Variants in CNTN5 observed in about 807,000 individuals in gnomAD.
CNTN5 encodes contactin 5.
A neutral mutation model predicts 129.1 loss-of-function variants in CNTN5; 77 were observed. The observed-to-expected ratio is 0.60, with a 90% CI of 0.50 to 0.72. The LOEUF (loss-of-function observed/expected upper bound fraction) is 0.72. Ranked by LOEUF, CNTN5 falls within the 30% of genes least tolerant of loss-of-function variation. CNTN5 has a pLI of 0.00. For missense variants in CNTN5, 1,478 were observed against 1,328.8 expected (o/e 1.11, Z -1.75); for synonymous variants, 509 against 465.6 (o/e 1.09, Z -1.20).
At chr11:99,619,357 T>G (rs1950858919) in intron 3 of CNTN5, among the ~76,000 whole-genome samples, 1 of 152,096 alleles carries the variant, frequency 6.6e-6, no homozygotes. Flanking sequence ...AGCAACTAAT[T>G]AAACATAATA....
intron 2 of CNTN5, among the ~76,000 whole-genome samples, chr11:99,399,919 T>C (rs1167040993): frequency 1.3e-5 from 2 of 152,088 alleles, no homozygotes; most frequent in African/African-American, 4.8e-5. Flanking sequence ...AGATATTTGA[T>C]ACAGGCATGC....
chr11:100,213,497 A>G (rs1488106421), intron 15 of CNTN5, among the ~76,000 whole-genome samples: 1 of 152,148 alleles, frequency 6.6e-6, no homozygotes, highest in Non-Finnish European at 1.5e-5. Flanking sequence ...TGAACATTCA[A>G]TAAATGGTGA....
chr11:99,844,555 T>C, intron 4 of CNTN5: 1 of 383,770 alleles, frequency 2.6e-6, no homozygotes, highest in Non-Finnish European at 4.9e-6. Flanking sequence ...ATTATTATCC[T>C]TCAGTCTGAT....
In CNTN5 at chr11:100,128,182, C is replaced by T. The variant is rs537292221; in HGVS notation, c.1580+53888C>T. 2.1e-4 allele frequency among the ~76,000 whole-genome samples: 32 copies of T among 152,170 alleles called. No individual in the cohort carries two copies. In the South Asian group the frequency reaches 6.0e-3, roughly 29 times the overall value. On this transcript the variant is annotated intron_variant, in intron 13 of 24. Transcript: ENST00000524871. ...CACTTGGCTGGCTTTCTCCCTTTTA[C>T]GTACCCAAACCTGAACTCATAATCT...
At chr11:100,140,901 T>C (rs1946678978) in intron 13 of CNTN5, among the ~76,000 whole-genome samples, 1 of 152,086 alleles carries the variant, frequency 6.6e-6, no homozygotes, top group South Asian at 2.1e-4. Flanking sequence ...GGAAATGAGA[T>C]GTTCTGGAAA....
At chr11:99,484,973 A>G (rs1247684300) in intron 2 of CNTN5, among the ~76,000 whole-genome samples, 1 of 152,140 alleles carries the variant, frequency 6.6e-6, no homozygotes, top group Non-Finnish European at 1.5e-5. Flanking sequence ...TATTTGTTAC[A>G]GCTAGATAGG....
rs889630504 is a variant in CNTN5 at position 99,766,758 on chromosome 11, C to T, written c.56-52786C>T. Among the ~76,000 whole-genome samples the T allele has an allele frequency of 5.9e-5, 9 of 151,882 alleles. No individual in the cohort carries two copies. In the South Asian group the frequency reaches 6.2e-4, roughly 10 times the overall value. On this transcript the variant is annotated intron_variant, in intron 3 of 24. Coordinates refer to ENST00000524871, the MANE Select transcript of CNTN5 (RefSeq NM_014361.4). ...GCAGATTTTTTATGCTCAAGTTATG[C>T]CTATTTTAACAAGCATTTTAAAAAC...
chr11:100,102,847 G>C (rs1337575047), intron 13 of CNTN5, among the ~76,000 whole-genome samples: 3 of 152,070 alleles, frequency 2.0e-5, no homozygotes, highest in Non-Finnish European at 4.4e-5. Context: ...ATTAGCACTA[G>C]GCTTAATGTG....
At chr11:100,073,239 G>A (rs1015239037) in intron 12 of CNTN5, among the ~76,000 whole-genome samples, 1 of 151,792 alleles carries the variant, frequency 6.6e-6, no homozygotes, top group Non-Finnish European at 1.5e-5. Flanking sequence ...TAGAGATGGG[G>A]TTTCACCGTG....
intron 21 of CNTN5, among the ~76,000 whole-genome samples, chr11:100,321,731 C>T (rs1196539753): frequency 6.6e-6 from 1 of 151,886 alleles, no homozygotes; most frequent in Non-Finnish European, 1.5e-5. Context: ...TCTTCTATAC[C>T]TAATTTGTTG....
chr11:100,270,923 AGATT>A (rs1950396214), intron 17 of CNTN5, among the ~76,000 whole-genome samples, 165 bp from the exon 18 acceptor site: 1 of 152,200 alleles, frequency 6.6e-6, no homozygotes, highest in East Asian at 1.9e-4. Context: ...TACTCCCTGA[AGATT>A]GATTTTCATT....
At chr11:100,261,517 T>C (rs770975758) in intron 17 of CNTN5, among the ~76,000 whole-genome samples, 15 of 152,134 alleles carry the variant, frequency 9.9e-5, no homozygotes, top group Non-Finnish European at 1.8e-4. Flanking sequence ...AGAACAAACC[T>C]GGAGGCATCA....
intron 3 of CNTN5, among the ~76,000 whole-genome samples, chr11:99,817,093 C>T (rs1022458553): frequency 1.3e-5 from 2 of 152,176 alleles, no homozygotes; most frequent in Non-Finnish European, 2.9e-5. Flanking sequence ...ATGATACTAA[C>T]ATTGTATGAA....
chr11:100,018,317 A>G (rs1940942925), intron 9 of CNTN5, among the ~76,000 whole-genome samples: 1 of 151,822 alleles, frequency 6.6e-6, no homozygotes, highest in South Asian at 2.1e-4. Flanking sequence ...CTTCCCATCC[A>G]CGCATCCTCA....
At chr11:99,989,137 G>C (rs1256396652) in intron 8 of CNTN5, among the ~76,000 whole-genome samples, 3 of 152,140 alleles carry the variant, frequency 2.0e-5, no homozygotes, top group Non-Finnish European at 2.9e-5. Context: ...ACAATTTCTA[G>C]TTAAATCACA....
chr11:99,574,042 C>T (rs548018993), intron 3 of CNTN5, among the ~76,000 whole-genome samples: 6 of 152,236 alleles, frequency 3.9e-5, no homozygotes, highest in African/African-American at 1.4e-4. Flanking sequence ...TCTCCTAATG[C>T]TATCACTCCC....
intron 1 of CNTN5, among the ~76,000 whole-genome samples, chr11:99,229,541 A>AAAAAC (rs113130533): frequency 0.12 from 16,679 of 143,482 alleles, 1,135 homozygotes; most frequent in Middle Eastern, 0.17. Flanking sequence ...AAAAAAAAAA[A>AAAAAC]AGGACACAGC....
intron 6 of CNTN5, among the ~76,000 whole-genome samples, chr11:99,913,658 A>T (rs1256913565): frequency 3.3e-5 from 5 of 151,992 alleles, no homozygotes; most frequent in South Asian, 2.1e-4. Flanking sequence ...GGTCATAGTT[A>T]TTCTATAATT....
chr11:99,841,816 ATATG>A (rs1947505371), intron 4 of CNTN5, among the ~76,000 whole-genome samples: 1 of 141,958 alleles, frequency 7.0e-6, no homozygotes, highest in Admixed American at 7.1e-5. Flanking sequence ...GTGTGTGTAT[ATATG>A]TGTGTATATA....
Sources: allele counts gnomAD v4.1 joint callset (sites outside exome capture counted in the v4.1 genomes callset), GRCh38; gene constraint gnomAD v4.1.1; transcripts MANE v1.5; gene names NCBI Gene and HGNC (gene_info 2026-07-23, HGNC 2026-07-21).